INPP4B: variants seen among roughly 807,000 people sequenced by gnomAD.
The protein encoded by INPP4B is inositol polyphosphate-4-phosphatase type II B, also known as inositol polyphosphate 4-phosphatase type II.
In INPP4B, 55 loss-of-function variants were observed where a neutral mutation model predicts 122.5. The ratio of observed to expected loss-of-function variants is 0.45; its 90% CI spans 0.36 to 0.56. The LOEUF is 0.56. Ranked by LOEUF, INPP4B falls within the 20% of genes least tolerant of loss-of-function variation. The pLI is 0.00. For missense variants in INPP4B, 1,000 were observed against 1,097.7 expected, an observed-to-expected ratio of 0.91 and a Z score of 1.26; for synonymous variants, 403 against 388.7, an observed-to-expected ratio of 1.04 and a Z score of -0.43.
chr4:142,285,709 G>C (rs902940286), intron 9 of INPP4B, among the ~76,000 whole-genome samples: 2 of 152,056 alleles, frequency 1.3e-5, no homozygotes, highest in Non-Finnish European at 2.9e-5. Flanking sequence ...AGCAGAGGCT[G>C]CTAGAGCCAG....
At chr4:142,321,305 A>T (rs1341201371) in intron 7 of INPP4B, among the ~76,000 whole-genome samples, 8 of 151,904 alleles carry the variant, frequency 5.3e-5, no homozygotes, top group Non-Finnish European at 8.8e-5. Context: ...CCACTTTTTG[A>T]TGGAATTATT....
chr4:142,497,922 G>A (rs1822803745), intron 2 of INPP4B, among the ~76,000 whole-genome samples: 1 of 152,002 alleles, frequency 6.6e-6, no homozygotes, highest in East Asian at 1.9e-4. Context: ...ATGACTACCT[G>A]GAATTGTGTG....
intron 10 of INPP4B, among the ~76,000 whole-genome samples, chr4:142,268,341 A>AAAAAAAAAAAAAAAAAAAAAAAAAAAG (rs1554022184): frequency 1.4e-5 from 2 of 143,774 alleles, no homozygotes; most frequent in Admixed American, 7.1e-5. Flanking sequence ...AAAAAAAAAA[A>AAAAAAAAAAAAAAAAAAAAAAAAAAAG]AAAAATGAGG....
intron 11 of INPP4B, among the ~76,000 whole-genome samples, chr4:142,253,271 T>G (rs1286689059): frequency 6.6e-6 from 1 of 152,226 alleles, no homozygotes; most frequent in South Asian, 2.1e-4. Context: ...CATACTACCG[T>G]AGACTTGGTA....
intron 23 of INPP4B, among the ~76,000 whole-genome samples, chr4:142,086,496 G>A (rs1432014562): frequency 2.0e-5 from 3 of 152,102 alleles, no homozygotes; most frequent in Non-Finnish European, 4.4e-5. Flanking sequence ...TGGGATTACA[G>A]GAGCACATCA....
chr4:142,720,799 C>CTA lies in INPP4B; in HGVS notation c.-191+5039_-191+5040insTA, dbSNP rs1330449318. On this transcript the variant is annotated intron_variant, in intron 2 of 25. Coordinates refer to ENST00000262992, the MANE Select transcript of INPP4B (RefSeq NM_001101669.3). ...TCTCTCTCTCTCTCTCTCTCTCTCT[C>CTA]TCTCTCTCTCTATATATATATATAT... Among the ~76,000 whole-genome samples the CTA allele has an allele frequency of 6.5e-3, 171 of 26,278 alleles. 1 individual carries two copies. The highest frequency in any genetic ancestry group is 7.7e-3 in the African/African-American group (57 of 7,384). The allele number at this position is 26,278 out of a possible 152,430, so 17.2% of individuals were successfully genotyped here.
chr4:142,343,536 C>G lies in INPP4B; in HGVS notation c.373-28774G>C, dbSNP rs149364296. On this transcript the variant is annotated intron_variant, in intron 7 of 25. Coordinates refer to ENST00000262992, the MANE Select transcript of INPP4B (RefSeq NM_001101669.3). ...ATAAATCAAACTAATTTAAATTGGT[C>G]TTTTACCAAAATGGAGAATTGCAAT... Among the ~76,000 whole-genome samples, 49 of 151,382 alleles carry G rather than the reference C, an allele frequency of 3.2e-4. No homozygotes were observed. The East Asian group carries it at 9.3e-3, about 29-fold the overall frequency.
At chr4:142,061,899 T>C (rs1267317104) in intron 25 of INPP4B, among the ~76,000 whole-genome samples, 13 of 2,054 alleles carry the variant, frequency 6.3e-3, no homozygotes, top group African/African-American at 9.8e-3. Flanking sequence ...TATATATATA[T>C]ATATATATAT....
intron 2 of INPP4B, among the ~76,000 whole-genome samples, chr4:142,470,495 A>G (rs1818613781): frequency 6.6e-6 from 1 of 152,140 alleles, no homozygotes; most frequent in East Asian, 1.9e-4. Flanking sequence ...GAACTCTAAA[A>G]GTGTTCCTAC....
At chr4:142,398,132 TG>T (rs1799973005) in intron 7 of INPP4B, among the ~76,000 whole-genome samples, 1 of 150,838 alleles carries the variant, frequency 6.6e-6, no homozygotes, top group Non-Finnish European at 1.5e-5. Flanking sequence ...TCCCAGCACT[TG>T]GGGAGGCCGA....
chr4:142,537,747 G>GTT (rs983280341), intron 2 of INPP4B, among the ~76,000 whole-genome samples: 9 of 84,834 alleles, frequency 1.1e-4, no homozygotes, highest in Non-Finnish European at 2.1e-4. Context: ...ATGAGTGTGT[G>GTT]TGTGTGTGTG....
chr4:142,714,802 ACT>A (rs1204048391), intron 2 of INPP4B, among the ~76,000 whole-genome samples: 1 of 152,070 alleles, frequency 6.6e-6, no homozygotes, highest in East Asian at 1.9e-4. Flanking sequence ...GCTCACGAGG[ACT>A]CTCTGCTGGG....
At chr4:142,160,620 T>G (rs1819636785) in intron 16 of INPP4B, 59 bp from the exon 17 acceptor site, 1 of 1,306,802 alleles carries the variant, frequency 7.7e-7, no homozygotes. Flanking sequence ...CATAGAGCTG[T>G]GAAAAGGTCA....
At chr4:142,569,899 T>G (rs1336135579) in intron 2 of INPP4B, among the ~76,000 whole-genome samples, 2 of 152,092 alleles carry the variant, frequency 1.3e-5, no homozygotes, top group African/African-American at 4.8e-5. Flanking sequence ...ATAAATTTTC[T>G]GTGTGTACAA....
At chr4:142,394,880 T>C (rs2029409) in intron 7 of INPP4B, among the ~76,000 whole-genome samples, 148,669 of 152,246 alleles carry the variant, frequency 0.98, 72,702 homozygotes, top group Middle Eastern at 1. Context: ...ATATCTTTGC[T>C]CAGATCAATG....
chr4:142,808,691 T>C (rs922268614), intron 1 of INPP4B, among the ~76,000 whole-genome samples: 1 of 152,186 alleles, frequency 6.6e-6, no homozygotes, highest in African/African-American at 2.4e-5. Context: ...TTTTTATTCA[T>C]GTAATTTATG....
intron 2 of INPP4B, among the ~76,000 whole-genome samples, chr4:142,569,575 AC>A (rs1429217888): frequency 6.6e-6 from 1 of 152,092 alleles, no homozygotes; most frequent in East Asian, 1.9e-4. Context: ...CGGGATCTCT[AC>A]CCTTGACACC....
At chr4:142,523,046 A>G (rs745452336) in intron 2 of INPP4B, among the ~76,000 whole-genome samples, 13 of 152,210 alleles carry the variant, frequency 8.5e-5, no homozygotes, top group Non-Finnish European at 1.8e-4. Flanking sequence ...TCGCTTGACT[A>G]GAAAGATGAG....
intron 6 of INPP4B, among the ~76,000 whole-genome samples, chr4:142,403,356 T>G (rs1802288406): frequency 6.6e-6 from 1 of 152,254 alleles, no homozygotes; most frequent in Admixed American, 6.5e-5. Flanking sequence ...TAAAATACAC[T>G]TAATAAATAT....
Sources: gnomAD v4.1 joint callset for allele counts (sites outside exome capture counted in the v4.1 genomes callset) on GRCh38, gnomAD v4.1.1 for gene constraint, MANE v1.5 for transcripts, NCBI Gene and HGNC (gene_info 2026-07-23, HGNC 2026-07-21) for gene names.